GNAO1: variants seen among roughly 807,000 people sequenced by gnomAD.
The protein encoded by GNAO1 is guanine nucleotide-binding protein G(o) subunit alpha.
For missense variants in GNAO1, 166 were observed against 478.7 expected, an observed-to-expected ratio of 0.35 and a Z score of 6.10; for synonymous variants, 164 against 180.7, an observed-to-expected ratio of 0.91 and a Z score of 0.74.
At chr16:56,318,589 T>C (rs1485087064) in intron 3 of GNAO1, among the ~76,000 whole-genome samples, 2 of 152,230 alleles carry the variant, frequency 1.3e-5, no homozygotes, top group Non-Finnish European at 2.9e-5. Flanking sequence ...TGTGTGTGTG[T>C]GTGCGTGCGC....
chr16:56,239,644 G>T (rs1320610372), intron 2 of GNAO1, among the ~76,000 whole-genome samples: 1 of 152,178 alleles, frequency 6.6e-6, no homozygotes, highest in African/African-American at 2.4e-5. Context: ...ATGAGTTGTA[G>T]AAATAATCAT....
At chr16:56,243,678 A>G (rs1309840942) in intron 2 of GNAO1, among the ~76,000 whole-genome samples, 1 of 148,328 alleles carries the variant, frequency 6.7e-6, no homozygotes, top group Non-Finnish European at 1.5e-5. Flanking sequence ...TAGAGGCTAC[A>G]GGGTTATTTT....
At chr16:56,346,710 C>T (rs1444188219) in intron 6 of GNAO1, 4 of 985,460 alleles carry the variant, frequency 4.1e-6, no homozygotes, top group Admixed American at 6.1e-5. Flanking sequence ...GCTGCCAGGA[C>T]GCAGCTGTCT....
At chr16:56,205,524 C>T (rs1445715758) in intron 2 of GNAO1, among the ~76,000 whole-genome samples, 1 of 152,152 alleles carries the variant, frequency 6.6e-6, no homozygotes, top group Non-Finnish European at 1.5e-5. Context: ...GTGTGGAGAG[C>T]CTAGTTCTGA....
chr16:56,300,029 G>GCGCGCGCGCGCGCACGCACA (rs2037326792), intron 3 of GNAO1, among the ~76,000 whole-genome samples: 1 of 133,568 alleles, frequency 7.5e-6, no homozygotes, highest in African/African-American at 3.0e-5. Context: ...GTGTGTGTGT[G>GCGCGCGCGCGCGCACGCACA]TGTGTGTGCG....
At chr16:56,347,701 G>A (rs758956661) in intron 6 of GNAO1, 37 of 985,682 alleles carry the variant, frequency 3.8e-5, no homozygotes, top group Non-Finnish European at 4.2e-5. Context: ...GCCCTTCCTG[G>A]CAGAGCACCA....
rs1281295569 is a variant in GNAO1, at chr16:56,354,705, A to G, written c.878-161A>G. On this transcript the variant is annotated intron_variant, in intron 7 of 8. Transcript: ENST00000262493. This position sits in a 1 kb window ranked among gnomAD's most constrained non-coding sequence, Gnocchi z 4.3. ...AAAATAGTTCTTTAATTTAAAATGC[A>G]ACTATGGCTTGGAACTGCCCAGCAG... 6.6e-6 allele frequency among the ~76,000 whole-genome samples: 1 copy of G among 152,126 alleles called. No individual in the cohort carries two copies.
chr16:56,314,963 A>C (rs2037494029), intron 3 of GNAO1, among the ~76,000 whole-genome samples: 1 of 152,144 alleles, frequency 6.6e-6, no homozygotes, highest in African/African-American at 2.4e-5. Flanking sequence ...CCTGAAGCCC[A>C]AAGCTCTGAG....
chr16:56,290,562 C>T (rs2037220796), intron 3 of GNAO1, among the ~76,000 whole-genome samples: 1 of 152,202 alleles, frequency 6.6e-6, no homozygotes, highest in Admixed American at 6.5e-5. Flanking sequence ...TTCTAGAACC[C>T]ACTTGTTCAT....
rs1263683170 is a variant in GNAO1 at position 56,276,001 on chromosome 16, A to C, written c.232A>C (p.Ile78Leu). The change falls in exon 3 of 9, where the codon ATC becomes CTC. Residue 78 changes from isoleucine (I) to leucine (L), a missense_variant. Coordinates refer to ENST00000262493, the MANE Select transcript of GNAO1 (RefSeq NM_020988.3). Reference sequence around the variant, plus strand: ...CAAGCCTGTTGTCTACAGCAACACTATCCAGTCCCTGGCAGCCATCGTCCG... The same window carrying C: ...CAAGCCTGTTGTCTACAGCAACACTCTCCAGTCCCTGGCAGCCATCGTCCG... ...QYKPVVYSNT[I>L]QSLAAIVRAM... 4 of 1,614,036 alleles carry C rather than the reference A, an allele frequency of 2.5e-6. No individual in the cohort carries two copies. Among genetic ancestry groups the C allele is most frequent in the Middle Eastern group, 1.6e-4 (1 of 6,062 alleles).
chr16:56,266,395 C>T (rs1378994681), intron 2 of GNAO1, among the ~76,000 whole-genome samples: 1 of 152,218 alleles, frequency 6.6e-6, no homozygotes, highest in Non-Finnish European at 1.5e-5. Context: ...CCTCTACACT[C>T]TTGGAATTCT....
intron 3 of GNAO1, among the ~76,000 whole-genome samples, chr16:56,291,098 A>T (rs2037228028): frequency 6.6e-6 from 1 of 152,188 alleles, no homozygotes; most frequent in Non-Finnish European, 1.5e-5. Flanking sequence ...AGTTTTGTAC[A>T]GACTCATGTT....
chr16:56,260,680 C>T (rs1229155893), intron 2 of GNAO1, among the ~76,000 whole-genome samples: 3 of 149,044 alleles, frequency 2.0e-5, no homozygotes. Flanking sequence ...TGTGGAAGCC[C>T]ACAAAGTGAT....
At chr16:56,293,264 G>A (rs189027345) in intron 3 of GNAO1, among the ~76,000 whole-genome samples, 1 of 152,384 alleles carries the variant, frequency 6.6e-6, no homozygotes, top group East Asian at 1.9e-4. Flanking sequence ...CCAACTGGAA[G>A]CAGCACCTCT....
chr16:56,273,211 A>G (rs2037033704), intron 2 of GNAO1, among the ~76,000 whole-genome samples: 1 of 152,190 alleles, frequency 6.6e-6, no homozygotes, highest in East Asian at 1.9e-4. Context: ...TTATAAACAT[A>G]ATACATTTTT....
At chr16:56,340,243 C>G (rs2037787476) in intron 6 of GNAO1, 1 of 152,330 alleles carries the variant, frequency 6.6e-6, no homozygotes. Flanking sequence ...CCCAGAGCCT[C>G]CCCCGCTCCA....
At position 56,242,636 on chromosome 16, in the gene GNAO1, G is replaced by A. The variant is rs191094597; in HGVS notation, c.162-33295G>A. On this transcript the variant is annotated intron_variant, in intron 2 of 8. Coordinates refer to ENST00000262493, the MANE Select transcript of GNAO1 (RefSeq NM_020988.3). The stretch of plus-strand genomic sequence containing the variant: ...AGCCACAGGGAAAAGAATAAATTTG[G>A]ATCCTTATCTCACACCATATACAAA... 1.5e-3 allele frequency among the ~76,000 whole-genome samples: 236 copies of A among 152,264 alleles called. 2 individuals are homozygous for A. Among genetic ancestry groups the A allele is most frequent in the African/African-American group, 5.2e-3 (216 of 41,538 alleles).
At chr16:56,284,019 T>C (rs1227026765) in intron 3 of GNAO1, among the ~76,000 whole-genome samples, 1 of 152,226 alleles carries the variant, frequency 6.6e-6, no homozygotes, top group African/African-American at 2.4e-5. Flanking sequence ...CAGTCCTCTT[T>C]CCATCTCAGC....
At chr16:56,246,587 C>T (rs1235162208) in intron 2 of GNAO1, among the ~76,000 whole-genome samples, 1 of 152,164 alleles carries the variant, frequency 6.6e-6, no homozygotes, top group Non-Finnish European at 1.5e-5. Context: ...AGTGTGTCCA[C>T]GAACCAGAGG....
Sources: gnomAD v4.1 joint callset for allele counts (sites outside exome capture counted in the v4.1 genomes callset) on GRCh38, gnomAD v4.1.1 for gene constraint, Gnocchi (gnomAD v3.1) non-coding constraint, MANE v1.5 for transcripts, NCBI Gene and HGNC (gene_info 2026-07-23, HGNC 2026-07-21) for gene names.